ADAMTS13: variants seen among roughly 807,000 people sequenced by gnomAD.
ADAMTS13 encodes the protein A disintegrin and metalloproteinase with thrombospondin motifs 13.
Under a neutral mutation model 155.1 loss-of-function variants are expected in ADAMTS13, and 110 were observed. The observed-to-expected ratio is 0.71, with a 90% confidence interval of 0.61 to 0.83. The LOEUF (loss-of-function observed/expected upper bound fraction) is 0.83. Ranked by LOEUF, ADAMTS13 falls within the 40% of genes least tolerant of loss-of-function variation. The probability of loss-of-function intolerance (pLI) is 0.00; values close to 1 mark genes in which losing one functional copy is unlikely to be tolerated. For synonymous variants in ADAMTS13, 758 were observed against 756.4 expected (o/e 1.00, Z -0.03); for missense variants, 1,707 against 1,891.7 (o/e 0.90, Z 1.81).
intron 12 of ADAMTS13, 34 bp downstream of exon 12, chr9:133,436,989 G>T: frequency 1.9e-6 from 3 of 1,581,288 alleles, no homozygotes. Context: ...TGGGGGAGGA[G>T]CCAGCCCTGG....
Position 133,456,992 on chromosome 9 carries a change from T to A in ADAMTS13, c.3724+273T>A, listed in dbSNP as rs1842786383. The A allele has an allele frequency of 1.7e-6, 1 of 571,892 alleles. No homozygotes were observed. The highest frequency in any genetic ancestry group is 1.8e-5 in the African/African-American group (1 of 54,428). 35.4% of individuals were successfully genotyped at this position (571,892 alleles called of 1,614,324 possible). On this transcript the variant is annotated intron_variant, in intron 27 of 28. Transcript: ENST00000355699. This position sits in a 1 kb window ranked among gnomAD's most constrained non-coding sequence, Gnocchi z 4.4. ...ACATCCTCAGTCAGTCCCTCAGGCC[T>A]CTGCCCCACACCCACCTGCCCCGCC...
intron 16 of ADAMTS13, among the ~76,000 whole-genome samples, chr9:133,442,184 T>C (rs1554790951): frequency 6.6e-6 from 1 of 152,162 alleles, no homozygotes; most frequent in Non-Finnish European, 1.5e-5. Flanking sequence ...TTGCCCAGGC[T>C]GCTCTGAAAC....
In ADAMTS13 at chr9:133,456,660, C is replaced by T; in HGVS notation, c.3665C>T (p.Pro1222Leu). The T allele has an allele frequency of 6.2e-7, 1 of 1,601,044 alleles. No individual in the cohort carries two copies. Among genetic ancestry groups the T allele is most frequent in the Non-Finnish European group, 8.5e-7 (1 of 1,173,752 alleles). ...TLVVRQRCGR[P>L]GGGVLLRYGS... The stretch of plus-strand genomic sequence containing the variant: ...GTGGTGAGGCAGCGCTGCGGGCGGC[C>T]AGGAGGTGGGGTGCTGCTGCGGTAT... The change falls in exon 27 of 29, where the codon CCA becomes CTA. Residue 1222 changes from proline to leucine, a missense_variant. This residue lies in a region of ADAMTS13 where 961 missense variants were observed against 1,107.9 expected (regional missense o/e 0.87). Coordinates refer to ENST00000355699, the MANE Select transcript of ADAMTS13 (RefSeq NM_139027.6). This position sits in a 1 kb window ranked among gnomAD's most constrained non-coding sequence, Gnocchi z 4.4.
chr9:133,415,132 C>T, intron 1 of ADAMTS13: 1 of 744,934 alleles, frequency 1.3e-6, no homozygotes, highest in South Asian at 2.0e-5. Context: ...ATACAATTCC[C>T]ATCCGCATCA....
In ADAMTS13 at chr9:133,416,794, T is replaced by C. The variant is rs782318225; in HGVS notation, n.287+2150T>C. Among the ~76,000 whole-genome samples the C allele has an allele frequency of 2.6e-5, 4 of 152,288 alleles. No homozygotes were observed. The East Asian group carries it at 7.7e-4, about 29-fold the overall frequency. On this transcript the variant is annotated intron_variant and non_coding_transcript_variant, in intron 1 of 17. Transcript: ENST00000485925. ...CCAGCCTATTTCCTCATCTGTACAATAGCGATGATGGAAGTGTCCACCTCA... is the reference window on the plus strand; with the variant it reads ...CCAGCCTATTTCCTCATCTGTACAACAGCGATGATGGAAGTGTCCACCTCA...
chr9:133,454,409 C>G lies in ADAMTS13; in HGVS notation c.3045-6C>G. The G allele has an allele frequency of 1.2e-6, 2 of 1,613,806 alleles. No individual in the cohort carries two copies. The highest frequency in any genetic ancestry group is 1.7e-6 in the Non-Finnish European group (2 of 1,180,008). ...AGCCTCTCTCTGGGGTCTTCTCTTC[C>G]TGCAGGTGGAAAGTCATGTCCCTTG... is the stretch of plus-strand genomic sequence containing the variant. On this transcript the variant is annotated splice_region_variant and splice_polypyrimidine_tract_variant and intron_variant, in intron 23 of 28. Coordinates refer to ENST00000355699, the MANE Select transcript of ADAMTS13 (RefSeq NM_139027.6).
chr9:133,459,021 G>A lies in ADAMTS13; in HGVS notation c.3957G>A (p.Gln1319=). The change falls in exon 29 of 29, where the codon CAG becomes CAA. Residue 1319 remains glutamine, a synonymous_variant. Transcript: ENST00000355699. ...GGACCACAGCGTTCCATGGGCAGCA[G>A]GTGCTCTACTGGGAGTCAGAGAGCA... ...SLRTTAFHGQ[Q]VLYWESESSQ... is the part of the protein sequence containing the mutation. 1 of 1,613,264 alleles carries A rather than the reference G, an allele frequency of 6.2e-7. No individual in the cohort carries two copies. The highest frequency in any genetic ancestry group is 1.1e-5 in the South Asian group (1 of 91,082).
intron 27 of ADAMTS13, among the ~76,000 whole-genome samples, chr9:133,457,353 A>G (rs1842808184): frequency 6.6e-6 from 1 of 152,168 alleles, no homozygotes; most frequent in Admixed American, 6.5e-5. Flanking sequence ...GCAGAGACCT[A>G]GTGCGCCGCC....
chr9:133,431,511 A>G (rs1400560415), intron 8 of ADAMTS13, among the ~76,000 whole-genome samples: 1 of 151,806 alleles, frequency 6.6e-6, no homozygotes, highest in East Asian at 1.9e-4. Context: ...ATTTTTTAGT[A>G]GAGACAGGGT....
At chr9:133,416,091 T>C (rs1010228273) in intron 1 of ADAMTS13, among the ~76,000 whole-genome samples, 1 of 152,226 alleles carries the variant, frequency 6.6e-6, no homozygotes, top group Non-Finnish European at 1.5e-5. Flanking sequence ...TTGCAGGTTG[T>C]ACAAGAAGCA....
At position 133,440,607 on chromosome 9, in the gene ADAMTS13, T is replaced by G; in HGVS notation, c.1968+82T>G. 1 of 1,417,220 alleles carries G rather than the reference T, an allele frequency of 7.1e-7. No homozygotes were observed. Among genetic ancestry groups the G allele is most frequent in the Non-Finnish European group, 9.4e-7 (1 of 1,060,292 alleles). The allele number at this position is 1,417,220 out of a possible 1,614,324, so 87.8% of individuals were successfully genotyped here. A position where few individuals can be genotyped will look rare whatever the true frequency, so the allele number is the denominator to read the frequency against. On this transcript the variant is annotated intron_variant, in intron 16 of 28. Coordinates refer to ENST00000355699, the MANE Select transcript of ADAMTS13 (RefSeq NM_139027.6). This position sits in a 1 kb window ranked among gnomAD's most constrained non-coding sequence, Gnocchi z 4.3. The stretch of plus-strand genomic sequence containing the variant: ...GCTTGCTCGTTTGTCTATCCATCCA[T>G]TCCCTGATTCGTTCATTTATTCATT...
In ADAMTS13 at chr9:133,456,681, G is replaced by C. The variant is rs781918148; in HGVS notation, c.3686G>C (p.Arg1229Pro). 1 of 1,588,402 alleles carries C rather than the reference G, an allele frequency of 6.3e-7. No individual in the cohort carries two copies. The highest frequency in any genetic ancestry group is 1.8e-5 in the Admixed American group (1 of 55,634). Residue 1229 changes from arginine to proline, a missense_variant, in exon 27 of 29, where the codon CGG (arginine) becomes CCG (proline). Physicochemically the swap from Arg to Pro is moderately radical, Grantham distance 103. Transcript: ENST00000355699. The surrounding 1 kb of genome is among the most constrained non-coding windows in gnomAD (Gnocchi z 4.4). ...CGGCCAGGAGGTGGGGTGCTGCTGCGGTATGGGAGCCAGCTTGCTCCTGAA... is the reference window on the plus strand; with the variant it reads ...CGGCCAGGAGGTGGGGTGCTGCTGCCGTATGGGAGCCAGCTTGCTCCTGAA... ...CGRPGGGVLLRYGSQLAPETF... is the reference protein window; with the variant it reads ...CGRPGGGVLLPYGSQLAPETF...
intron 6 of ADAMTS13, among the ~76,000 whole-genome samples, chr9:133,428,172 G>C (rs893193871): frequency 6.6e-6 from 1 of 152,204 alleles, no homozygotes; most frequent in African/African-American, 2.4e-5. Flanking sequence ...CCTGGCCTAG[G>C]AATGCAAACA....
Position 133,449,810 on chromosome 9 carries a change from C to T in ADAMTS13, c.2889C>T (p.Ser963=), listed in dbSNP as rs148031420. ...GGCAGTACAAGCTGGCGGCCTGCAG[C>T]GTGAGCTGTGGGAGAGGGGTCGTGC... is the stretch of plus-strand genomic sequence containing the variant. ...ARWQYKLAAC[S]VSCGRGVVRR... is the part of the protein sequence containing the mutation. The change falls in exon 23 of 29, where the codon AGC becomes AGT. Residue 963 remains serine, a synonymous_variant. Transcript: ENST00000355699. 35 of 1,614,048 alleles carry T rather than the reference C, an allele frequency of 2.2e-5. No homozygotes were observed. The highest frequency in any genetic ancestry group is 2.5e-5 in the Non-Finnish European group (30 of 1,180,038).
intron 22 of ADAMTS13, 80 bp from the exon 23 acceptor site, chr9:133,449,703 G>A (rs886543052): frequency 6.5e-6 from 10 of 1,531,918 alleles, no homozygotes; most frequent in South Asian, 2.3e-5. Context: ...CCTAGTCTGG[G>A]GAAATGAAGG....
rs929435102 is a variant in ADAMTS13, at chr9:133,448,691, C to T, written c.2824C>T (p.Arg942Trp). The change falls in exon 22 of 29, where the codon CGG (arginine) becomes TGG (tryptophan). Residue 942 changes from arginine to tryptophan, a missense_variant. By Grantham distance (101) the Arg-to-Trp change is moderately radical (BLOSUM62 -3). Transcript: ENST00000355699. ...TGGCCTGGCAAGCAAGCCTGGGAGCCGGCGGGAGGTCTGCCAGGCTGTCCC... is the reference window on the plus strand; with the variant it reads ...TGGCCTGGCAAGCAAGCCTGGGAGCTGGCGGGAGGTCTGCCAGGCTGTCCC... ...LCGLASKPGS[R>W]REVCQAVPCP... 19 of 1,604,824 alleles carry T rather than the reference C, an allele frequency of 1.2e-5. No individual in the cohort carries two copies. Among genetic ancestry groups the T allele is most frequent in the Middle Eastern group, 2.1e-4 (1 of 4,852 alleles).
At chr9:133,430,186 G>C (rs946491640) in intron 8 of ADAMTS13, 85 bp downstream of exon 8, 5 of 1,514,504 alleles carry the variant, frequency 3.3e-6, no homozygotes, top group Non-Finnish European at 4.4e-6. Context: ...TGCATGGTGA[G>C]AACCTGCTGG....
In ADAMTS13 at chr9:133,441,596, A is replaced by G. The variant is rs1841680015; in HGVS notation, c.1969-803A>G. On this transcript the variant is annotated intron_variant, in intron 16 of 28. Coordinates refer to ENST00000355699, the MANE Select transcript of ADAMTS13 (RefSeq NM_139027.6). This position sits in a 1 kb window ranked among gnomAD's most constrained non-coding sequence, Gnocchi z 5.0. ...CACCTCGCCCTGGGCTCTGGCCTCC[A>G]GGCTGGCCTCTTTCTTGGGCTGGTC... 6.6e-6 allele frequency among the ~76,000 whole-genome samples: 1 copy of G among 152,172 alleles called. No homozygotes were observed. Among genetic ancestry groups the G allele is most frequent in the African/African-American group, 2.4e-5 (1 of 41,428 alleles).
At position 133,442,407 on chromosome 9, in the gene ADAMTS13, G is replaced by A. The variant is rs1554791027; in HGVS notation, c.1977G>A (p.Arg659=). ...AAGCTCTTTGTCTGCAGGTTTACAGGCGGTATGGCGAGGAGTATGGCAACC... is the reference window on the plus strand; with the variant it reads ...AAGCTCTTTGTCTGCAGGTTTACAGACGGTATGGCGAGGAGTATGGCAACC... ...LQEDADIQVY[R]RYGEEYGNLT... The change falls in exon 17 of 29, where the codon AGG becomes AGA. Residue 659 remains arginine (R), a synonymous_variant. Coordinates refer to ENST00000355699, the MANE Select transcript of ADAMTS13 (RefSeq NM_139027.6). 3 of 1,613,936 alleles carry A rather than the reference G, an allele frequency of 1.9e-6. No homozygotes were observed. The highest frequency in any genetic ancestry group is 2.5e-6 in the Non-Finnish European group (3 of 1,180,036).
Sources: allele counts gnomAD v4.1 joint callset (sites outside exome capture counted in the v4.1 genomes callset), GRCh38; gene constraint gnomAD v4.1.1; regional missense constraint gnomAD v4.1.1; non-coding constraint Gnocchi (gnomAD v3.1); transcripts MANE v1.5; gene names NCBI Gene and HGNC (gene_info 2026-07-23, HGNC 2026-07-21).